The following MALRD1 variants were observed in gnomAD, a reference collection of about 807,000 sequenced individuals.
MALRD1 encodes the protein MAM and LDL-receptor class A domain-containing protein 1.
Under a neutral mutation model 242.1 loss-of-function variants are expected in MALRD1, and 247 were observed. The ratio of observed to expected loss-of-function variants is 1.02; its 90% CI spans 0.92 to 1.13. The LOEUF is 1.13. MALRD1 is among the 50% of genes most tolerant of loss of function. The probability of loss-of-function intolerance (pLI) is 0.00; values close to 1 mark genes in which losing one functional copy is unlikely to be tolerated. For synonymous variants in MALRD1, 995 were observed against 866.6 expected, an observed-to-expected ratio of 1.15 and a Z score of -2.60; for missense variants, 2,989 against 2,533.1, an observed-to-expected ratio of 1.18 and a Z score of -3.86.
At chr10:19,641,918 T>C (rs911737617) in intron 36 of MALRD1, among the ~76,000 whole-genome samples, 3 of 152,140 alleles carry the variant, frequency 2.0e-5, no homozygotes, top group Admixed American at 6.5e-5. Context: ...CCTTTTATTA[T>C]TGGCAATAAC....
chr10:19,557,522 G>A (rs1423313269), intron 32 of MALRD1, among the ~76,000 whole-genome samples: 2 of 151,900 alleles, frequency 1.3e-5, no homozygotes, highest in African/African-American at 4.8e-5. Flanking sequence ...GGGTGTAGTT[G>A]TTCTGCATTA....
chr10:19,204,311 A>G lies in MALRD1; in HGVS notation c.2108A>G (p.His703Arg). The change falls in exon 16 of 40, where the codon CAT (histidine) becomes CGT (arginine). Residue 703 changes from histidine to arginine, a missense_variant. Coordinates refer to ENST00000454679, the MANE Select transcript of MALRD1 (RefSeq NM_001142308.3). ...RDHSLNASQG[H>R]FMFILKKSSS... is the part of the protein sequence containing the mutation. Reference sequence around the variant, plus strand: ...TTTTTTTTTTTTATCTCAACAGGGCATTTTATGTTCATTCTGAAGAAAAGC... The same window carrying G: ...TTTTTTTTTTTTATCTCAACAGGGCGTTTTATGTTCATTCTGAAGAAAAGC... 1.4e-6 allele frequency: 2 copies of G among 1,463,030 alleles called. No individual in the cohort carries two copies. Among genetic ancestry groups the G allele is most frequent in the Non-Finnish European group, 1.8e-6 (2 of 1,092,294 alleles). 90.6% of individuals were successfully genotyped at this position (1,463,030 alleles called of 1,614,324 possible).
chr10:19,079,619 C>A (rs1835421436), intron 2 of MALRD1, among the ~76,000 whole-genome samples: 1 of 151,900 alleles, frequency 6.6e-6, no homozygotes, highest in Non-Finnish European at 1.5e-5. Flanking sequence ...GTCTACATTT[C>A]AATTATTTTA....
intron 32 of MALRD1, among the ~76,000 whole-genome samples, chr10:19,543,905 C>T (rs1483231560): frequency 1.3e-5 from 2 of 152,092 alleles, no homozygotes; most frequent in South Asian, 2.1e-4. Flanking sequence ...CTCTACTTAA[C>T]GTTAATTTCT....
chr10:19,184,005 A>G (rs942974068), intron 14 of MALRD1, among the ~76,000 whole-genome samples: 3 of 152,200 alleles, frequency 2.0e-5, no homozygotes, highest in Admixed American at 6.5e-5. Context: ...TGAAAAACCT[A>G]CATAGCATGA....
intron 28 of MALRD1, among the ~76,000 whole-genome samples, chr10:19,402,014 A>G (rs1417518448): frequency 1.3e-5 from 2 of 152,228 alleles, no homozygotes; most frequent in Admixed American, 1.3e-4. Context: ...GAGCTTTGGA[A>G]AGCCAAAAAC....
intron 26 of MALRD1, among the ~76,000 whole-genome samples, chr10:19,362,862 G>A (rs1489033698): frequency 6.6e-6 from 1 of 152,102 alleles, no homozygotes; most frequent in Non-Finnish European, 1.5e-5. Flanking sequence ...CCATAGACTA[G>A]TATGGTGGCA....
At chr10:19,436,626 A>C (rs765756134) in intron 28 of MALRD1, among the ~76,000 whole-genome samples, 7 of 151,700 alleles carry the variant, frequency 4.6e-5, no homozygotes, top group Non-Finnish European at 8.8e-5. Context: ...AGTTTTACAG[A>C]CTCCATCTCA....
intron 24 of MALRD1, among the ~76,000 whole-genome samples, chr10:19,340,698 C>T (rs927247967): frequency 2.6e-5 from 4 of 152,076 alleles, no homozygotes; most frequent in African/African-American, 4.8e-5. Flanking sequence ...CACTTAATAG[C>T]AGTCTTTCAC....
intron 1 of MALRD1, among the ~76,000 whole-genome samples, chr10:19,062,640 C>T (rs953228252): frequency 4.6e-5 from 7 of 152,180 alleles, no homozygotes; most frequent in African/African-American, 1.4e-4. Context: ...CACAGAAAAA[C>T]ATACACTATA....
chr10:19,446,249 C>T (rs1834973440), intron 28 of MALRD1, among the ~76,000 whole-genome samples: 1 of 152,092 alleles, frequency 6.6e-6, no homozygotes, highest in Non-Finnish European at 1.5e-5. Flanking sequence ...TGAGGTGATG[C>T]CCCACCCTGC....
intron 29 of MALRD1, among the ~76,000 whole-genome samples, chr10:19,453,594 A>G (rs1007030390): frequency 1.3e-5 from 2 of 152,272 alleles, no homozygotes; most frequent in Middle Eastern, 3.4e-3. Flanking sequence ...TAAAAATTTT[A>G]GGCCGGGCAC....
intron 29 of MALRD1, among the ~76,000 whole-genome samples, chr10:19,480,674 G>A (rs1836953670): frequency 6.6e-6 from 1 of 152,248 alleles, no homozygotes; most frequent in African/African-American, 2.4e-5. Context: ...CAAGGAGTGA[G>A]TGATGACTTC....
intron 2 of MALRD1, among the ~76,000 whole-genome samples, chr10:19,067,674 T>C (rs1398532628): frequency 6.6e-6 from 1 of 152,106 alleles, no homozygotes; most frequent in Non-Finnish European, 1.5e-5. Context: ...CCTCCCTAGC[T>C]GTAAAATTTT....
At chr10:19,121,609 G>A (rs894640599) in intron 5 of MALRD1, among the ~76,000 whole-genome samples, 3 of 139,626 alleles carry the variant, frequency 2.1e-5, no homozygotes, top group Non-Finnish European at 4.6e-5. Context: ...AGAACACATC[G>A]TTGTAAATGA....
At chr10:19,724,107 A>T (rs1393040886) in intron 38 of MALRD1, among the ~76,000 whole-genome samples, 1 of 152,164 alleles carries the variant, frequency 6.6e-6, no homozygotes, top group African/African-American at 2.4e-5. Flanking sequence ...TTTTTCTTTG[A>T]ATATTTTCTA....
intron 36 of MALRD1, among the ~76,000 whole-genome samples, chr10:19,655,596 A>G (rs1841117723): frequency 6.8e-6 from 1 of 146,282 alleles, no homozygotes; most frequent in Non-Finnish European, 1.5e-5. Flanking sequence ...TCACAATTCT[A>G]ATTATACATG....
intron 10 of MALRD1, among the ~76,000 whole-genome samples, chr10:19,143,012 G>A (rs1833604804): frequency 6.6e-6 from 1 of 152,288 alleles, no homozygotes; most frequent in East Asian, 1.9e-4. Context: ...ATTCACCAAG[G>A]TTCTTACAGA....
intron 14 of MALRD1, among the ~76,000 whole-genome samples, chr10:19,189,431 G>A (rs572871574): frequency 1.1e-4 from 16 of 152,130 alleles, no homozygotes; most frequent in African/African-American, 3.9e-4. Context: ...CCAAAAAATT[G>A]AAGACAAGGA....
Sources: allele counts gnomAD v4.1 joint callset (sites outside exome capture counted in the v4.1 genomes callset), GRCh38; gene constraint gnomAD v4.1.1; transcripts MANE v1.5; gene names NCBI Gene and HGNC (gene_info 2026-07-23, HGNC 2026-07-21).